The following CPNE4 variants were observed in gnomAD, a reference collection of about 807,000 sequenced individuals.
The protein encoded by CPNE4 is copine-4.
A neutral mutation model predicts 67.9 loss-of-function variants in CPNE4; 25 were observed. That is an observed-to-expected ratio of 0.37 (90% CI 0.27 to 0.51). The LOEUF (loss-of-function observed/expected upper bound fraction) is 0.51. CPNE4 is among the 20% of genes least tolerant of loss of function. The pLI, the probability that CPNE4 is intolerant of heterozygous loss-of-function variation, is 0.93. For missense variants in CPNE4, 464 were observed against 690.8 expected (o/e 0.67, Z 3.68); for synonymous variants, 242 against 244.9 (o/e 0.99, Z 0.11).
intron 7 of CPNE4, among the ~76,000 whole-genome samples, chr3:131,664,547 G>T (rs2080211085): frequency 6.6e-6 from 1 of 152,060 alleles, no homozygotes; most frequent in Non-Finnish European, 1.5e-5. Context: ...TTAAATATTA[G>T]CATAATGGTA....
At chr3:131,738,798 T>C (rs2082295180) in intron 2 of CPNE4, among the ~76,000 whole-genome samples, 1 of 152,136 alleles carries the variant, frequency 6.6e-6, no homozygotes, top group Admixed American at 6.5e-5. Context: ...TCAATGCAAA[T>C]GCACAAACAC....
chr3:132,036,025 C>T (rs1040000391), upstream of CPNE4, among the ~76,000 whole-genome samples: 7 of 152,088 alleles, frequency 4.6e-5, no homozygotes, highest in African/African-American at 1.7e-4. Context: ...AAAGGAGAAC[C>T]AATAGGGTAA....
chr3:132,005,104 G>T (rs986528334), intron 1 of CPNE4, among the ~76,000 whole-genome samples: 3 of 151,678 alleles, frequency 2.0e-5, no homozygotes, highest in Non-Finnish European at 4.4e-5. Flanking sequence ...GCACCCAGTT[G>T]CTCTCTGTGG....
chr3:131,557,170 C>T (rs1010664139), intron 11 of CPNE4, among the ~76,000 whole-genome samples: 4 of 152,126 alleles, frequency 2.6e-5, no homozygotes, highest in African/African-American at 7.2e-5. Flanking sequence ...GTTGTGCTGT[C>T]GGGTGGCTGT....
intron 2 of CPNE4, among the ~76,000 whole-genome samples, chr3:131,847,240 G>T (rs572802486): frequency 6.6e-6 from 1 of 152,200 alleles, no homozygotes; most frequent in African/African-American, 2.4e-5. Context: ...GCTTGGCTTT[G>T]CTCATCACCA....
At chr3:132,037,465 G>A, upstream of CPNE4, 2 of 912,748 alleles carry the variant, frequency 2.2e-6, no homozygotes, top group African/African-American at 1.6e-5. Flanking sequence ...AATAATCCAT[G>A]TTTTCAATCA....
intron 7 of CPNE4, among the ~76,000 whole-genome samples, chr3:131,615,115 C>T (rs1306932128): frequency 6.6e-6 from 1 of 152,174 alleles, no homozygotes; most frequent in Non-Finnish European, 1.5e-5. Context: ...GCATTTTGAA[C>T]AATCTCAGAT....
At chr3:131,818,456 A>G (rs72987711) in intron 2 of CPNE4, among the ~76,000 whole-genome samples, 8,251 of 152,210 alleles carry the variant, frequency 0.054, 593 homozygotes, top group African/African-American at 0.17. Context: ...GACTAATTAA[A>G]GGCCAATACT....
At chr3:131,781,841 G>A (rs2083438563) in intron 2 of CPNE4, among the ~76,000 whole-genome samples, 1 of 151,976 alleles carries the variant, frequency 6.6e-6, no homozygotes, top group Admixed American at 6.6e-5. Context: ...TATTTTCCTT[G>A]TTATTTGGAG....
At chr3:132,016,877 G>A (rs536003048) in intron 1 of CPNE4, among the ~76,000 whole-genome samples, 21 of 151,994 alleles carry the variant, frequency 1.4e-4, no homozygotes, top group African/African-American at 4.1e-4. Flanking sequence ...CACTATTATC[G>A]CCTTTTCACA....
intron 1 of CPNE4, among the ~76,000 whole-genome samples, chr3:132,011,462 A>G (rs2073760360): frequency 6.6e-6 from 1 of 152,184 alleles, no homozygotes; most frequent in African/African-American, 2.4e-5. Context: ...CCACATGTAC[A>G]TTCCTTAGAG....
At position 131,534,972 on chromosome 3, in the gene CPNE4, T is replaced by C. The variant is rs889060319; in HGVS notation, c.*223A>G. On this transcript the variant is annotated 3_prime_UTR_variant, in exon 16 of 16. Coordinates refer to ENST00000429747, the MANE Select transcript of CPNE4 (RefSeq NM_130808.3). ...ATGTAAATAGTAAGTTATTGTTATCTGTGTTTCTTTGTAAAAAGTTAACAA... is the reference window on the plus strand; with the variant it reads ...ATGTAAATAGTAAGTTATTGTTATCCGTGTTTCTTTGTAAAAAGTTAACAA... 3.3e-5 allele frequency: 12 copies of C among 365,854 alleles called. No homozygotes were observed. The highest frequency in any genetic ancestry group is 2.1e-4 in the African/African-American group (10 of 47,920). The allele number at this position is 365,854 out of a possible 1,614,324, so 22.7% of individuals were successfully genotyped here.
upstream of CPNE4, among the ~76,000 whole-genome samples, chr3:132,038,462 T>A (rs1211074030): frequency 6.6e-6 from 1 of 152,204 alleles, no homozygotes; most frequent in African/African-American, 2.4e-5. Flanking sequence ...TAGCTTTTCT[T>A]TCCTGTATTT....
At chr3:131,851,270 G>C (rs1292578294) in intron 2 of CPNE4, among the ~76,000 whole-genome samples, 1 of 151,898 alleles carries the variant, frequency 6.6e-6, no homozygotes, top group Non-Finnish European at 1.5e-5. Flanking sequence ...GACTATATTT[G>C]GATATTACTC....
chr3:131,681,935 TG>T (rs1181349843), intron 6 of CPNE4, among the ~76,000 whole-genome samples: 2 of 152,012 alleles, frequency 1.3e-5, no homozygotes, highest in African/African-American at 2.4e-5. Context: ...TTATATAGTG[TG>T]TCATTTGCAT....
intron 7 of CPNE4, among the ~76,000 whole-genome samples, chr3:131,605,063 G>T (rs572197225): frequency 5.1e-4 from 78 of 152,188 alleles, no homozygotes; most frequent in African/African-American, 1.8e-3. Context: ...ACATTTTGAA[G>T]GACACTGAAG....
intron 6 of CPNE4, among the ~76,000 whole-genome samples, chr3:131,684,385 G>C (rs961949289): frequency 6.6e-6 from 1 of 152,186 alleles, no homozygotes; most frequent in Non-Finnish European, 1.5e-5. Flanking sequence ...CATGGATTAA[G>C]TTCCAAAGAA....
chr3:132,022,452 C>T (rs1237000160), intron 1 of CPNE4, among the ~76,000 whole-genome samples: 1 of 152,094 alleles, frequency 6.6e-6, no homozygotes, highest in Non-Finnish European at 1.5e-5. Flanking sequence ...GCACAGATTC[C>T]TGCTTGATGT....
At chr3:131,656,124 G>C (rs191149979) in intron 7 of CPNE4, among the ~76,000 whole-genome samples, 29 of 147,396 alleles carry the variant, frequency 2.0e-4, no homozygotes, top group African/African-American at 7.1e-4. Flanking sequence ...TCTGTTGGCT[G>C]CTTTATCCTC....
Sources: allele counts gnomAD v4.1 joint callset (sites outside exome capture counted in the v4.1 genomes callset), GRCh38; gene constraint gnomAD v4.1.1; transcripts MANE v1.5; gene names NCBI Gene and HGNC (gene_info 2026-07-23, HGNC 2026-07-21).